The following KSR2 variants were observed in gnomAD, a reference collection of about 807,000 sequenced individuals.
KSR2 encodes kinase suppressor of ras 2.
A neutral mutation model predicts 107.8 loss-of-function variants in KSR2; 25 were observed. That is an observed-to-expected ratio of 0.23 (90% CI 0.17 to 0.32). The LOEUF (loss-of-function observed/expected upper bound fraction) is 0.32, where lower values mean the gene tolerates loss of function less well. Ranked by LOEUF, KSR2 falls within the 10% of genes least tolerant of loss-of-function variation. The pLI, the probability that KSR2 is intolerant of heterozygous loss-of-function variation, is 1.00. For missense variants in KSR2, 887 were observed against 1,268.9 expected, an observed-to-expected ratio of 0.70 and a Z score of 4.57; for synonymous variants, 480 against 507.0, an observed-to-expected ratio of 0.95 and a Z score of 0.71.
intron 5 of KSR2, among the ~76,000 whole-genome samples, chr12:117,664,797 C>G (rs1283912378): frequency 6.6e-6 from 1 of 152,174 alleles, no homozygotes; most frequent in Non-Finnish European, 1.5e-5. Context: ...ATGCACCATT[C>G]TGAGCCTCAG....
At chr12:117,896,652 G>A (rs1401794912) in intron 1 of KSR2, among the ~76,000 whole-genome samples, 2 of 151,864 alleles carry the variant, frequency 1.3e-5, no homozygotes, top group Non-Finnish European at 2.9e-5. Context: ...TAGAGATGAG[G>A]TTTCACCACA....
chr12:117,881,608 T>C (rs1440917915), intron 1 of KSR2, among the ~76,000 whole-genome samples: 1 of 152,250 alleles, frequency 6.6e-6, no homozygotes. Context: ...ATTCTTCTTA[T>C]GAAATTCTTA....
intron 5 of KSR2, among the ~76,000 whole-genome samples, chr12:117,607,680 A>G (rs1593045820): frequency 6.7e-6 from 1 of 148,390 alleles, no homozygotes; most frequent in African/African-American, 2.5e-5. Flanking sequence ...AGGAGAGGAG[A>G]GGAGAGGAGA....
intron 5 of KSR2, among the ~76,000 whole-genome samples, chr12:117,595,337 T>C (rs561764669): frequency 5.3e-5 from 8 of 150,624 alleles, no homozygotes; most frequent in Admixed American, 5.3e-4. Flanking sequence ...CCCTAAACAT[T>C]GCTAGATCAA....
At chr12:117,624,566 G>C (rs780192309) in intron 5 of KSR2, among the ~76,000 whole-genome samples, 11 of 152,050 alleles carry the variant, frequency 7.2e-5, no homozygotes, top group Non-Finnish European at 1.2e-4. Context: ...CTGTCCCACT[G>C]GTGTATCTCT....
At chr12:117,563,615 T>C (rs1878266826) in intron 7 of KSR2, among the ~76,000 whole-genome samples, 2 of 152,202 alleles carry the variant, frequency 1.3e-5, no homozygotes, top group Admixed American at 1.3e-4. Context: ...ATCTTTATTA[T>C]GGTAGTTACC....
chr12:117,595,915 G>A (rs1880615458), intron 5 of KSR2, among the ~76,000 whole-genome samples: 1 of 152,148 alleles, frequency 6.6e-6, no homozygotes, highest in African/African-American at 2.4e-5. Context: ...ACCAAGGCTT[G>A]GTAAGGCCAC....
intron 16 of KSR2, among the ~76,000 whole-genome samples, chr12:117,478,252 C>A (rs1454135898): frequency 6.6e-6 from 1 of 152,104 alleles, no homozygotes; most frequent in Non-Finnish European, 1.5e-5. Flanking sequence ...ATTCATATCC[C>A]ATAATCATGA....
intron 1 of KSR2, among the ~76,000 whole-genome samples, chr12:117,904,256 T>C (rs1026033652): frequency 6.6e-6 from 1 of 152,134 alleles, no homozygotes; most frequent in African/African-American, 2.4e-5. Context: ...GACACCAGCC[T>C]CACAGGAATC....
At chr12:117,662,943 C>A (rs183519525) in intron 5 of KSR2, among the ~76,000 whole-genome samples, 142 of 152,324 alleles carry the variant, frequency 9.3e-4, no homozygotes, top group African/African-American at 3.1e-3. Flanking sequence ...TGGCTACTTT[C>A]TGCAACTGCC....
In KSR2 at chr12:117,564,559, G is replaced by T. The variant is rs140754683; in HGVS notation, c.1326-5986C>A. ...TAACTTCTAAGGTTTAATAGGATAA[G>T]CTTCAGTTATCAGGAAAAGTTGCTT... is the stretch of plus-strand genomic sequence containing the variant. On this transcript the variant is annotated intron_variant, in intron 7 of 19. Transcript: ENST00000339824. Among the ~76,000 whole-genome samples the T allele has an allele frequency of 1.0e-3, 154 of 152,334 alleles. 1 individual carries two copies. Among genetic ancestry groups the T allele is most frequent in the African/African-American group, 3.5e-3 (144 of 41,580 alleles).
At chr12:117,875,106 T>C (rs931002478) in intron 1 of KSR2, among the ~76,000 whole-genome samples, 1 of 152,158 alleles carries the variant, frequency 6.6e-6, no homozygotes, top group Non-Finnish European at 1.5e-5. Flanking sequence ...CTTATTACTG[T>C]ACTCTGTATT....
rs34228762 is a variant in KSR2 at position 117,694,845 on chromosome 12, C to CTTTTT, written c.987-27192_987-27188dup. ...ACAAAAGGACAAATGTTGTATGATT[C>CTTTTT]TTTTTTTTTTTTTTTTTTTTTTGAG... On this transcript the variant is annotated intron_variant, in intron 4 of 19. Coordinates refer to ENST00000339824, the MANE Select transcript of KSR2 (RefSeq NM_173598.6). Among the ~76,000 whole-genome samples, 50 of 99,080 alleles carry CTTTTT rather than the reference C, an allele frequency of 5.0e-4. 1 individual carries two copies. Among genetic ancestry groups the CTTTTT allele is most frequent in the East Asian group, 6.5e-4 (2 of 3,068 alleles). 65.0% of individuals were successfully genotyped at this position (99,080 alleles called of 152,430 possible).
intron 3 of KSR2, among the ~76,000 whole-genome samples, chr12:117,766,139 G>A (rs978774341): frequency 6.6e-6 from 1 of 152,122 alleles, no homozygotes; most frequent in Non-Finnish European, 1.5e-5. Flanking sequence ...GCCAAAAGGT[G>A]GAAACAACCC....
chr12:117,583,405 G>GTGGATGGA (rs369518226), intron 5 of KSR2, among the ~76,000 whole-genome samples: 37 of 127,160 alleles, frequency 2.9e-4, no homozygotes, highest in East Asian at 7.4e-4. Flanking sequence ...GGGTGAGTGA[G>GTGGATGGA]TGGATGGATG....
At chr12:117,713,617 T>C (rs1482886958) in intron 4 of KSR2, among the ~76,000 whole-genome samples, 1 of 151,618 alleles carries the variant, frequency 6.6e-6, no homozygotes, top group African/African-American at 2.4e-5. Context: ...ATTACTTTTA[T>C]AATTTAAAAT....
chr12:117,758,078 T>C (rs1888860153), intron 4 of KSR2, among the ~76,000 whole-genome samples: 1 of 152,310 alleles, frequency 6.6e-6, no homozygotes, highest in East Asian at 1.9e-4. Context: ...AAATGGGTCA[T>C]GACCACAAAT....
chr12:117,728,202 A>G (rs924082275), intron 4 of KSR2, among the ~76,000 whole-genome samples: 2 of 152,206 alleles, frequency 1.3e-5, no homozygotes, highest in Non-Finnish European at 2.9e-5. Flanking sequence ...TATATAATTT[A>G]TACCTCAGCT....
intron 3 of KSR2, among the ~76,000 whole-genome samples, chr12:117,792,886 C>T (rs529689408): frequency 9.9e-5 from 15 of 151,908 alleles, no homozygotes; most frequent in Non-Finnish European, 2.1e-4. Context: ...TGCACACACA[C>T]ACAACATGCA....
Sources: allele counts gnomAD v4.1 joint callset (sites outside exome capture counted in the v4.1 genomes callset), GRCh38; gene constraint gnomAD v4.1.1; transcripts MANE v1.5; gene names NCBI Gene and HGNC (gene_info 2026-07-23, HGNC 2026-07-21).